KSR2: variants seen among roughly 807,000 people sequenced by gnomAD.
KSR2 encodes kinase suppressor of ras 2.
In KSR2, 25 loss-of-function variants were observed where a neutral mutation model predicts 107.8. The ratio of observed to expected loss-of-function variants is 0.23; its 90% CI spans 0.17 to 0.32. The LOEUF (loss-of-function observed/expected upper bound fraction) is 0.32, where lower values mean the gene tolerates loss of function less well. Among genes scored for constraint, KSR2 ranks in the 10% least tolerant of loss-of-function variants. KSR2 has a pLI of 1.00. For missense variants in KSR2, 887 were observed against 1,268.9 expected, an observed-to-expected ratio of 0.70 and a Z score of 4.57; for synonymous variants, 480 against 507.0, an observed-to-expected ratio of 0.95 and a Z score of 0.71.
Position 117,568,511 on chromosome 12 carries a change from C to T in KSR2, c.1326-9938G>A, listed in dbSNP as rs188346123. 4.0e-5 allele frequency among the ~76,000 whole-genome samples: 6 copies of T among 151,884 alleles called. 1 individual carries two copies. The highest frequency in any genetic ancestry group is 1.3e-4 in the Admixed American group (2 of 15,252). On this transcript the variant is annotated intron_variant, in intron 7 of 19. Coordinates refer to ENST00000339824, the MANE Select transcript of KSR2 (RefSeq NM_173598.6). ...AAAAGTCTGGGATCGTGAATCTGAG[C>T]GATCAGTGGGTTTGAGTAACAGATC...
intron 2 of KSR2, 123 bp from the exon 3 acceptor site, chr12:117,855,701 G>T: frequency 2.1e-6 from 2 of 966,680 alleles, no homozygotes; most frequent in Non-Finnish European, 3.1e-6. Context: ...TGACAGTGGG[G>T]TCTCCGAATC....
intron 9 of KSR2, among the ~76,000 whole-genome samples, chr12:117,540,105 C>G (rs1025250872): frequency 6.6e-6 from 1 of 152,046 alleles, no homozygotes; most frequent in African/African-American, 2.4e-5. Flanking sequence ...GAATTCCTGT[C>G]CACTGCTTGG....
intron 1 of KSR2, among the ~76,000 whole-genome samples, chr12:117,938,560 T>TAATAAATA (rs80030527): frequency 0.024 from 3,550 of 147,610 alleles, 67 homozygotes; most frequent in Middle Eastern, 0.045. Context: ...AGTATAATAA[T>TAATAAATA]AATAAATAAA....
chr12:117,908,512 G>T (rs1280464401), intron 1 of KSR2, among the ~76,000 whole-genome samples: 2 of 152,126 alleles, frequency 1.3e-5, no homozygotes, highest in African/African-American at 2.4e-5. Flanking sequence ...AGCTTAGATC[G>T]TTACATATCT....
At chr12:117,623,080 T>C (rs1467987539) in intron 5 of KSR2, among the ~76,000 whole-genome samples, 3 of 152,236 alleles carry the variant, frequency 2.0e-5, no homozygotes, top group Non-Finnish European at 4.4e-5. Flanking sequence ...CCCACCTCTT[T>C]GAGCCTCATT....
chr12:117,591,924 G>A (rs527312121), intron 5 of KSR2, among the ~76,000 whole-genome samples: 28 of 151,848 alleles, frequency 1.8e-4, no homozygotes, highest in South Asian at 6.3e-4. Context: ...CATGAGAATC[G>A]CTGGAACTCA....
intron 5 of KSR2, among the ~76,000 whole-genome samples, chr12:117,654,467 G>A (rs560084716): frequency 2.6e-5 from 4 of 152,310 alleles, no homozygotes; most frequent in African/African-American, 7.2e-5. Flanking sequence ...GGCACCACCC[G>A]AAAGTGCACA....
chr12:117,553,080 C>T (rs974530131), intron 9 of KSR2, among the ~76,000 whole-genome samples: 5 of 152,200 alleles, frequency 3.3e-5, no homozygotes, highest in Non-Finnish European at 2.9e-5. Flanking sequence ...ATTTTACCTA[C>T]GGGAAAACTG....
At chr12:117,580,321 T>C (rs1879565290) in intron 6 of KSR2, among the ~76,000 whole-genome samples, 1 of 152,238 alleles carries the variant, frequency 6.6e-6, no homozygotes, top group Non-Finnish European at 1.5e-5. Flanking sequence ...CAAGCCCCTT[T>C]CTTTCCCTTC....
At chr12:117,747,845 T>C (rs751382929) in intron 4 of KSR2, among the ~76,000 whole-genome samples, 1 of 152,172 alleles carries the variant, frequency 6.6e-6, no homozygotes, top group Non-Finnish European at 1.5e-5. Context: ...CCTTGTACAC[T>C]GTTGGTGGGA....
chr12:117,924,673 T>A (rs1895455768), intron 1 of KSR2, among the ~76,000 whole-genome samples: 1 of 150,808 alleles, frequency 6.6e-6, no homozygotes, highest in Non-Finnish European at 1.5e-5. Flanking sequence ...AAAAAATCTA[T>A]AGTACAAATG....
At chr12:117,841,059 G>A (rs900397056) in intron 3 of KSR2, among the ~76,000 whole-genome samples, 7 of 151,838 alleles carry the variant, frequency 4.6e-5, no homozygotes, top group African/African-American at 9.7e-5. Flanking sequence ...TGGTCAATGC[G>A]GTGCTTTCTT....
intron 5 of KSR2, among the ~76,000 whole-genome samples, chr12:117,602,892 A>C (rs2136295221): frequency 6.6e-6 from 1 of 152,278 alleles, no homozygotes; most frequent in South Asian, 2.1e-4. Flanking sequence ...CTCTAGGCCC[A>C]GGAACTGTCT....
chr12:117,863,659 G>A (rs182523231), intron 1 of KSR2, among the ~76,000 whole-genome samples: 2 of 152,276 alleles, frequency 1.3e-5, no homozygotes, highest in Admixed American at 1.3e-4. Flanking sequence ...ATACTAAGTG[G>A]CTAAAAACAA....
intron 1 of KSR2, among the ~76,000 whole-genome samples, chr12:117,863,874 A>G (rs924936861): frequency 1.3e-5 from 2 of 151,780 alleles, no homozygotes; most frequent in Non-Finnish European, 2.9e-5. Flanking sequence ...CTATCACCAC[A>G]TCTCCTGCTA....
At chr12:117,733,572 C>G (rs1007070278) in intron 4 of KSR2, among the ~76,000 whole-genome samples, 5 of 152,162 alleles carry the variant, frequency 3.3e-5, no homozygotes, top group African/African-American at 1.2e-4. Context: ...TGAATGGATA[C>G]AACAGGGACC....
intron 4 of KSR2, among the ~76,000 whole-genome samples, chr12:117,738,063 G>A (rs1179130737): frequency 3.3e-5 from 5 of 152,094 alleles, no homozygotes; most frequent in Non-Finnish European, 7.3e-5. Context: ...TAAAACCCAC[G>A]TTGTTATTGG....
At chr12:117,561,503 C>T (rs934419406) in intron 7 of KSR2, among the ~76,000 whole-genome samples, 2 of 152,160 alleles carry the variant, frequency 1.3e-5, no homozygotes, top group Non-Finnish European at 2.9e-5. Context: ...GGATAACTTA[C>T]CTAATGTCAA....
intron 4 of KSR2, among the ~76,000 whole-genome samples, chr12:117,748,052 A>G (rs1234144607): frequency 6.6e-6 from 1 of 152,100 alleles, no homozygotes; most frequent in Admixed American, 6.6e-5. Context: ...GAATCAACCT[A>G]AGAGTCCATC....
Sources: allele counts gnomAD v4.1 joint callset (sites outside exome capture counted in the v4.1 genomes callset), GRCh38; gene constraint gnomAD v4.1.1; transcripts MANE v1.5; gene names NCBI Gene and HGNC (gene_info 2026-07-23, HGNC 2026-07-21).